Variants in SLC9A9 observed in about 807,000 individuals in gnomAD.
SLC9A9 encodes the protein solute carrier family 9 member A9.
In SLC9A9, 62 loss-of-function variants were observed where a neutral mutation model predicts 77.8. The ratio of observed to expected loss-of-function variants is 0.80; its 90% CI spans 0.65 to 0.98. The LOEUF (loss-of-function observed/expected upper bound fraction) is 0.98, where lower values mean the gene tolerates loss of function less well. Among genes scored for constraint, SLC9A9 ranks in the 50% least tolerant of loss-of-function variants. SLC9A9 has a pLI of 0.00. For synonymous variants in SLC9A9, 320 were observed against 283.5 expected, an observed-to-expected ratio of 1.13 and a Z score of -1.29; for missense variants, 775 against 774.9, an observed-to-expected ratio of 1.00 and a Z score of 0.00.
chr3:143,407,332 T>C (rs77198053), intron 12 of SLC9A9, among the ~76,000 whole-genome samples: 1,688 of 152,320 alleles, frequency 0.011, 22 homozygotes, highest in African/African-American at 0.035. Flanking sequence ...GTAAGGATGA[T>C]AGTCAAATTG....
At chr3:143,335,433 C>T (rs185733282) in intron 14 of SLC9A9, among the ~76,000 whole-genome samples, 5 of 152,138 alleles carry the variant, frequency 3.3e-5, no homozygotes, top group East Asian at 1.9e-4. Flanking sequence ...CTAAAATTCA[C>T]GTGAATCTCA....
chr3:143,381,043 T>C (rs752143079), intron 13 of SLC9A9, among the ~76,000 whole-genome samples: 1 of 152,244 alleles, frequency 6.6e-6, no homozygotes, highest in Non-Finnish European at 1.5e-5. Flanking sequence ...AAAATTTCCC[T>C]ACATTTTCTT....
chr3:143,573,598 C>T (rs1403669799), intron 8 of SLC9A9, among the ~76,000 whole-genome samples: 1 of 152,130 alleles, frequency 6.6e-6, no homozygotes, highest in Non-Finnish European at 1.5e-5. Context: ...TGTACAGCCA[C>T]CACATTTGCT....
chr3:143,637,853 T>C (rs1197794741), intron 6 of SLC9A9, among the ~76,000 whole-genome samples: 2 of 152,294 alleles, frequency 1.3e-5, no homozygotes, highest in South Asian at 2.1e-4. Flanking sequence ...CATGGAGAAG[T>C]AAAACACATA....
At chr3:143,292,852 G>T (rs1036216173) in intron 14 of SLC9A9, among the ~76,000 whole-genome samples, 3 of 152,186 alleles carry the variant, frequency 2.0e-5, no homozygotes, top group African/African-American at 7.2e-5. Flanking sequence ...GCACGTTGAT[G>T]ACACTGTTCT....
intron 14 of SLC9A9, among the ~76,000 whole-genome samples, chr3:143,308,908 T>C (rs894110006): frequency 6.6e-6 from 1 of 152,166 alleles, no homozygotes; most frequent in African/African-American, 2.4e-5. Flanking sequence ...TGGTGATCTT[T>C]TGTAAGTCAC....
chr3:143,401,057 C>A (rs1014691847), intron 12 of SLC9A9, among the ~76,000 whole-genome samples: 3 of 152,130 alleles, frequency 2.0e-5, no homozygotes, highest in African/African-American at 4.8e-5. Context: ...CTACATTATC[C>A]TGGGCTCTGG....
At position 143,710,468 on chromosome 3, in the gene SLC9A9, C is replaced by A. The variant is rs185391389; in HGVS notation, c.534-17161G>T. ...AGGGGTTTAGAGGCTTATTCACAAC[C>A]CCACAACCCATGTGCTGCCATTTCT... On this transcript the variant is annotated intron_variant, in intron 4 of 15. Coordinates refer to ENST00000316549, the MANE Select transcript of SLC9A9 (RefSeq NM_173653.4). Among the ~76,000 whole-genome samples, 80 of 152,290 alleles carry A rather than the reference C, an allele frequency of 5.3e-4. No homozygotes were observed. The East Asian group carries it at 0.013, about 25-fold the overall frequency.
intron 4 of SLC9A9, among the ~76,000 whole-genome samples, chr3:143,740,266 A>G (rs1187666933): frequency 6.6e-6 from 1 of 152,220 alleles, no homozygotes; most frequent in Non-Finnish European, 1.5e-5. Flanking sequence ...ATATATAGCC[A>G]AATTATTGTT....
chr3:143,596,287 CGT>C (rs376963423), intron 6 of SLC9A9, among the ~76,000 whole-genome samples: 13 of 152,098 alleles, frequency 8.5e-5, no homozygotes, highest in African/African-American at 2.6e-4. Context: ...CTCTTCTCAA[CGT>C]GTGTGTGTGT....
chr3:143,810,169 C>T lies in SLC9A9; in HGVS notation c.379-13266G>A, dbSNP rs76053984. On this transcript the variant is annotated intron_variant, in intron 2 of 15. Coordinates refer to ENST00000316549, the MANE Select transcript of SLC9A9 (RefSeq NM_173653.4). ...CATATGTGCACCAGTATTTGGCTAG[C>T]AATGGCCCAGACATATATTTACAGA... 2.9e-3 allele frequency among the ~76,000 whole-genome samples: 439 copies of T among 152,286 alleles called. 1 individual carries two copies. The highest frequency in any genetic ancestry group is 9.9e-3 in the African/African-American group (413 of 41,548).
At chr3:143,423,223 ACACACAC>A (rs1026964117) in intron 12 of SLC9A9, among the ~76,000 whole-genome samples, 1 of 149,598 alleles carries the variant, frequency 6.7e-6, no homozygotes, top group African/African-American at 2.5e-5. Context: ...ACGTACACAC[ACACACAC>A]GTGTACACAC....
At chr3:143,768,841 G>C (rs2007417173) in intron 4 of SLC9A9, among the ~76,000 whole-genome samples, 1 of 152,192 alleles carries the variant, frequency 6.6e-6, no homozygotes, top group Admixed American at 6.5e-5. Flanking sequence ...CTGTGCAACA[G>C]TGTGTATAAA....
At chr3:143,365,166 T>A (rs1352747231) in intron 13 of SLC9A9, among the ~76,000 whole-genome samples, 2 of 152,262 alleles carry the variant, frequency 1.3e-5, no homozygotes, top group African/African-American at 2.4e-5. Context: ...CTTATTAAAC[T>A]AATGCAGGAA....
intron 4 of SLC9A9, among the ~76,000 whole-genome samples, chr3:143,753,146 A>G (rs1430509804): frequency 6.6e-6 from 1 of 152,204 alleles, no homozygotes; most frequent in Non-Finnish European, 1.5e-5. Flanking sequence ...TGGCTCCAAG[A>G]AGTTTTGCTC....
intron 4 of SLC9A9, among the ~76,000 whole-genome samples, chr3:143,718,915 A>C (rs1934424661): frequency 2.0e-5 from 3 of 152,276 alleles, no homozygotes; most frequent in South Asian, 2.1e-4. Context: ...GTAGCTACTT[A>C]ATCTAGGACG....
At chr3:143,346,026 T>A (rs2032262560) in intron 14 of SLC9A9, among the ~76,000 whole-genome samples, 1 of 152,126 alleles carries the variant, frequency 6.6e-6, no homozygotes, top group African/African-American at 2.4e-5. Context: ...AAGATTTTTT[T>A]TTTAATTAAG....
chr3:143,319,756 C>A (rs747511988), intron 14 of SLC9A9, among the ~76,000 whole-genome samples: 2 of 152,164 alleles, frequency 1.3e-5, no homozygotes, highest in African/African-American at 4.8e-5. Context: ...AGGTGACAAG[C>A]CAGTAAGGAT....
chr3:143,424,368 G>A (rs1419794228), intron 12 of SLC9A9, among the ~76,000 whole-genome samples: 1 of 151,322 alleles, frequency 6.6e-6, no homozygotes, highest in Non-Finnish European at 1.5e-5. Flanking sequence ...CCGGGTTCAC[G>A]CCATTCTCCT....
Sources: gnomAD v4.1 joint callset for allele counts (sites outside exome capture counted in the v4.1 genomes callset) on GRCh38, gnomAD v4.1.1 for gene constraint, MANE v1.5 for transcripts, NCBI Gene and HGNC (gene_info 2026-07-23, HGNC 2026-07-21) for gene names.